Variants in LPCAT2 observed in about 807,000 individuals in gnomAD.
LPCAT2 encodes 1-AGP acyltransferase 11.
A neutral mutation model predicts 64.7 loss-of-function variants in LPCAT2; 58 were observed. The ratio of observed to expected loss-of-function variants is 0.90; its 90% CI spans 0.73 to 1.12. The LOEUF is 1.12. Among genes scored for constraint, LPCAT2 ranks in the 50% most tolerant of loss-of-function variants. The probability of loss-of-function intolerance (pLI) is 0.00; values close to 1 mark genes in which losing one functional copy is unlikely to be tolerated. For synonymous variants in LPCAT2, 252 were observed against 245.3 expected (o/e 1.03, Z -0.26); for missense variants, 579 against 669.8 (o/e 0.86, Z 1.50).
Position 55,584,549 on chromosome 16 carries a change from T to C in LPCAT2, c.*1451T>C, listed in dbSNP as rs911207354. ...ACAAAGAACCAATTTATTAATATAA[T>C]GTACAAAAATAGTTGGTTCATTTTC... On this transcript the variant is annotated 3_prime_UTR_variant, in exon 14 of 14. Coordinates refer to ENST00000262134, the MANE Select transcript of LPCAT2 (RefSeq NM_017839.5). 2 of 152,200 alleles carry C rather than the reference T, an allele frequency of 1.3e-5. No homozygotes were observed. The highest frequency in any genetic ancestry group is 4.1e-4 in the South Asian group (2 of 4,834). The allele number at this position is 152,200 out of a possible 1,614,324, so 9.4% of individuals were successfully genotyped here.
Position 55,509,105 on chromosome 16 carries a change from C to G in LPCAT2, c.-77C>G. 1 of 1,222,162 alleles carries G rather than the reference C, an allele frequency of 8.2e-7. No homozygotes were observed. The highest frequency in any genetic ancestry group is 3.2e-5 in the East Asian group (1 of 31,592). 75.7% of individuals were successfully genotyped at this position (1,222,162 alleles called of 1,614,324 possible). A position where few individuals can be genotyped will look rare whatever the true frequency, so the allele number is the denominator to read the frequency against. The stretch of plus-strand genomic sequence containing the variant: ...CCCAGCGTCGCCCTAGGCTGGGACT[C>G]TAGTAGGTCTTCGGCTCAGTTTTGG... On this transcript the variant is annotated 5_prime_UTR_variant, in exon 1 of 14. Transcript: ENST00000262134.
chr16:55,546,577 A>T (rs1250770205), intron 9 of LPCAT2, among the ~76,000 whole-genome samples: 2 of 152,220 alleles, frequency 1.3e-5, no homozygotes, highest in Non-Finnish European at 2.9e-5. Flanking sequence ...GATTTCATAT[A>T]TATATAGCCA....
At chr16:55,530,415 G>A (rs1345907838) in intron 4 of LPCAT2, among the ~76,000 whole-genome samples, 1 of 151,808 alleles carries the variant, frequency 6.6e-6, no homozygotes, top group Non-Finnish European at 1.5e-5. Context: ...TTCAGTTCAA[G>A]GGGCATATCA....
chr16:55,573,709 C>T (rs1398708762), intron 11 of LPCAT2, among the ~76,000 whole-genome samples: 2 of 151,836 alleles, frequency 1.3e-5, no homozygotes, highest in East Asian at 1.9e-4. Context: ...CTCCTCCTAC[C>T]CTCCCTCCAC....
chr16:55,565,100 C>T (rs998502474), intron 11 of LPCAT2, among the ~76,000 whole-genome samples: 1 of 151,894 alleles, frequency 6.6e-6, no homozygotes, highest in Admixed American at 6.6e-5. Flanking sequence ...TTAAAAGATG[C>T]TCAACATCAT....
intron 11 of LPCAT2, among the ~76,000 whole-genome samples, chr16:55,559,566 C>T (rs1388477610): frequency 6.6e-6 from 1 of 152,060 alleles, no homozygotes; most frequent in Non-Finnish European, 1.5e-5. Flanking sequence ...TCTGCTCATG[C>T]TGAGAGTTAG....
chr16:55,552,710 T>C (rs1451062583), intron 11 of LPCAT2, among the ~76,000 whole-genome samples: 1 of 152,226 alleles, frequency 6.6e-6, no homozygotes, highest in Non-Finnish European at 1.5e-5. Flanking sequence ...TATGTCTAAA[T>C]AAACAATGTG....
intron 8 of LPCAT2, chr16:55,538,679 C>CAAAAAA (rs3040226): frequency 1.1e-5 from 1 of 90,872 alleles, no homozygotes; most frequent in African/African-American, 3.7e-5. Flanking sequence ...TCACTGTGGC[C>CAAAAAA]AAAAAAAAAA....
Position 55,545,578 on chromosome 16 carries a change from A to T in LPCAT2, c.853-157A>T, listed in dbSNP as rs953020837. ...AAGCAGACCCAGGGCTTAGAAACAGATCTCCTGAGTACAAGCCCAGTGCCC... is the reference window on the plus strand; with the variant it reads ...AAGCAGACCCAGGGCTTAGAAACAGTTCTCCTGAGTACAAGCCCAGTGCCC... On this transcript the variant is annotated intron_variant, in intron 8 of 13. Coordinates refer to ENST00000262134, the MANE Select transcript of LPCAT2 (RefSeq NM_017839.5). 5.8e-6 allele frequency: 3 copies of T among 519,542 alleles called. No homozygotes were observed. The African/African-American group carries it at 5.9e-5, about 10-fold the overall frequency. 32.2% of individuals were successfully genotyped at this position (519,542 alleles called of 1,614,324 possible). A position where few individuals can be genotyped will look rare whatever the true frequency, so the allele number is the denominator to read the frequency against.
intron 11 of LPCAT2, 68 bp downstream of exon 11, chr16:55,551,170 G>A (rs2142400049): frequency 2.9e-6 from 4 of 1,401,004 alleles, no homozygotes. Flanking sequence ...CAATATGGTA[G>A]GCAATTTGAA....
intron 1 of LPCAT2, among the ~76,000 whole-genome samples, chr16:55,521,661 A>C (rs1963097840): frequency 6.6e-6 from 1 of 151,806 alleles, no homozygotes; most frequent in South Asian, 2.1e-4. Context: ...TTATATCAGG[A>C]ATATAAGGTT....
Position 55,525,550 on chromosome 16 carries a change from T to G in LPCAT2, c.214T>G (p.Leu72Val), listed in dbSNP as rs1188626103. Residue 72 changes from leucine (L) to valine (V), a missense_variant, in exon 2 of 14, where the codon TTG becomes GTG. Transcript: ENST00000262134. ...GIILLPIRVL[L>V]VALILLLAWP... ...TATCTTGCTTCCAATTCGTGTCTTA[T>G]TGGTTGCGTTAATTTTATTACTTGC... 1 of 1,611,700 alleles carries G rather than the reference T, an allele frequency of 6.2e-7. No homozygotes were observed. Among genetic ancestry groups the G allele is most frequent in the Admixed American group, 1.7e-5 (1 of 59,718 alleles).
chr16:55,549,319 C>A lies in LPCAT2; in HGVS notation c.978C>A (p.Cys326Ter). Residue 326 changes from cysteine (C) to a stop codon, truncating the protein, a stop_gained, in exon 10 of 14, where the codon TGC becomes TGA. Coordinates refer to ENST00000262134, the MANE Select transcript of LPCAT2 (RefSeq NM_017839.5). LOFTEE classifies it high-confidence loss of function. ...TAACAGATCATACCTATGAAGACTGCAGATTGATGATTTCAGCAGGACAGC... is the reference window on the plus strand; with the variant it reads ...TAACAGATCATACCTATGAAGACTGAAGATTGATGATTTCAGCAGGACAGC... ...IPVTDHTYED[C>*]RLMISAGQLT... The A allele has an allele frequency of 6.2e-7, 1 of 1,603,486 alleles. No individual in the cohort carries two copies. Among genetic ancestry groups the A allele is most frequent in the Non-Finnish European group, 8.5e-7 (1 of 1,175,488 alleles).
chr16:55,582,931 G>C lies in LPCAT2; in HGVS notation c.1468G>C (p.Ala490Pro), dbSNP rs774653924. 6.2e-7 allele frequency: 1 copy of C among 1,610,726 alleles called. No homozygotes were observed. Residue 490 changes from alanine to proline, a missense_variant, in exon 14 of 14, where the codon GCC (alanine) becomes CCC (proline). Transcript: ENST00000262134. ...SISYEEFKSF[A>P]LKHPEYAKIF... ...TCTTCTAGAGGAATTTAAAAGTTTT[G>C]CCTTAAAGCATCCAGAATATGCTAA...
At chr16:55,530,036 A>G (rs1387499146) in intron 4 of LPCAT2, 89 bp downstream of exon 4, 7 of 864,654 alleles carry the variant, frequency 8.1e-6, no homozygotes, top group Middle Eastern at 2.3e-4. Context: ...ACAGATAGCA[A>G]TATCTGTGGA....
Position 55,570,746 on chromosome 16 carries a change from A to T in LPCAT2, c.1216-3885A>T, listed in dbSNP as rs796215917. Among the ~76,000 whole-genome samples the T allele has an allele frequency of 6.1e-4, 93 of 152,326 alleles. 1 individual carries two copies. Among genetic ancestry groups the T allele is most frequent in the African/African-American group, 2.1e-3 (89 of 41,568 alleles). On this transcript the variant is annotated intron_variant, in intron 11 of 13. Coordinates refer to ENST00000262134, the MANE Select transcript of LPCAT2 (RefSeq NM_017839.5). ...TGAAGAACCTTCAGAATTGCTTTTT[A>T]AAAATATTTAAGTATATTAAAACAA... is the stretch of plus-strand genomic sequence containing the variant.
intron 13 of LPCAT2, among the ~76,000 whole-genome samples, chr16:55,580,049 TG>T (rs1963871962): frequency 6.6e-6 from 1 of 152,198 alleles, no homozygotes; most frequent in Admixed American, 6.5e-5. Context: ...TGGTCATGGA[TG>T]TCAAGCTGGC....
chr16:55,529,992 A>C lies in LPCAT2; in HGVS notation c.642+45A>C, dbSNP rs777969234. 3 of 1,390,608 alleles carry C rather than the reference A, an allele frequency of 2.2e-6. No homozygotes were observed. In the South Asian group the frequency reaches 3.8e-5, roughly 18 times the overall value. 86.1% of individuals were successfully genotyped at this position (1,390,608 alleles called of 1,614,324 possible). ...AATTTAAATATAGTGGGAGTTTATT[A>C]ATTGTATGTATGTAGACTTACTCAT... On this transcript the variant is annotated intron_variant, in intron 4 of 13. Transcript: ENST00000262134.
chr16:55,552,668 T>C (rs188303089), intron 11 of LPCAT2, among the ~76,000 whole-genome samples: 12 of 152,332 alleles, frequency 7.9e-5, no homozygotes, highest in African/African-American at 2.6e-4. Flanking sequence ...TTATTTATAA[T>C]ATACAGTAGT....
Sources: allele counts gnomAD v4.1 joint callset (sites outside exome capture counted in the v4.1 genomes callset), GRCh38; gene constraint gnomAD v4.1.1; transcripts MANE v1.5; gene names NCBI Gene and HGNC (gene_info 2026-07-23, HGNC 2026-07-21).